Variants in FAS observed in about 807,000 individuals in gnomAD.
The protein encoded by FAS is tumor necrosis factor receptor superfamily member 6.
FAS carries 5 observed loss-of-function variants against 33.2 expected under a neutral mutation model. The observed-to-expected ratio is 0.15, with a 90% CI of 0.08 to 0.32. The LOEUF is 0.32. FAS is among the 10% of genes least tolerant of loss of function. The probability of loss-of-function intolerance (pLI) is 1.00; values close to 1 mark genes in which losing one functional copy is unlikely to be tolerated. For synonymous variants in FAS, 131 were observed against 130.7 expected, an observed-to-expected ratio of 1.00 and a Z score of -0.01; for missense variants, 339 against 386.0, an observed-to-expected ratio of 0.88 and a Z score of 1.02.
intron 1 of FAS, among the ~76,000 whole-genome samples, chr10:89,002,106 A>G (rs565877237): frequency 3.9e-4 from 59 of 152,290 alleles, no homozygotes; most frequent in African/African-American, 1.3e-3. Context: ...CCCTTTCCCC[A>G]GTATCCATTT....
chr10:88,964,666 C>T (rs548353836), intron 1 of FAS, among the ~76,000 whole-genome samples: 3 of 152,192 alleles, frequency 2.0e-5, no homozygotes, highest in African/African-American at 7.2e-5. Flanking sequence ...ATCTACTTCT[C>T]GATTGCTTTC....
chr10:88,969,472 T>C (rs961102964), intron 1 of FAS, among the ~76,000 whole-genome samples: 3 of 152,256 alleles, frequency 2.0e-5, no homozygotes, highest in Non-Finnish European at 2.9e-5. Context: ...GCATAGTCTC[T>C]GTTGTGCAAA....
intron 8 of FAS, among the ~76,000 whole-genome samples, chr10:89,013,754 T>C (rs1848647591): frequency 6.6e-6 from 1 of 152,222 alleles, no homozygotes; most frequent in African/African-American, 2.4e-5. Flanking sequence ...TGATCTGTGA[T>C]TTAGAGATAA....
At chr10:89,008,510 G>A (rs1793912026) in intron 3 of FAS, among the ~76,000 whole-genome samples, 1 of 152,208 alleles carries the variant, frequency 6.6e-6, no homozygotes, top group Non-Finnish European at 1.5e-5. Context: ...CAGAGTCTCT[G>A]AGTGAGGACC....
chr10:88,979,877 AGCACCTACAAAG>A lies in FAS; in HGVS notation n.260+6533_260+6544del, dbSNP rs528885295. 2.6e-3 allele frequency among the ~76,000 whole-genome samples: 400 copies of A among 152,342 alleles called. 1 individual carries two copies. Among genetic ancestry groups the A allele is most frequent in the African/African-American group, 8.7e-3 (363 of 41,582 alleles). On this transcript the variant is annotated intron_variant and non_coding_transcript_variant, in intron 2 of 3. Transcript: ENST00000688239. Reference sequence around the variant, plus strand: ...CACACACCTCCTCACACATGTGTAAAGCACCTACAAAGGCTTTGGGGTAGATCCTGGCAAAAT... The same window carrying A: ...CACACACCTCCTCACACATGTGTAAAGCTTTGGGGTAGATCCTGGCAAAAT...
Position 89,016,202 on chromosome 10 carries a change from CA to C in FAS, c.*1755del, listed in dbSNP as rs1848801133. 4.6e-6 allele frequency: 1 copy of C among 217,030 alleles called. No individual in the cohort carries two copies. Among genetic ancestry groups the C allele is most frequent in the South Asian group, 1.8e-4 (1 of 5,410 alleles). The allele number at this position is 217,030 out of a possible 1,614,324, so 13.4% of individuals were successfully genotyped here. A position where few individuals can be genotyped will look rare whatever the true frequency, so the allele number is the denominator to read the frequency against. Reference sequence around the variant, plus strand: ...TATATTCTATTTAACCCATGAGTCCCAAAGTATTAGCATTTCAACATGTAAG... The same window carrying C: ...TATATTCTATTTAACCCATGAGTCCCAAGTATTAGCATTTCAACATGTAAG... On this transcript the variant is annotated 3_prime_UTR_variant, in exon 9 of 9. Coordinates refer to ENST00000652046, the MANE Select transcript of FAS (RefSeq NM_000043.6).
At chr10:88,967,274 A>G (rs1441880397) in intron 1 of FAS, among the ~76,000 whole-genome samples, 2 of 152,166 alleles carry the variant, frequency 1.3e-5, no homozygotes, top group Non-Finnish European at 2.9e-5. Context: ...CTTATTACCT[A>G]TGATAAAAGG....
chr10:88,997,218 TC>T (rs1847652626), intron 1 of FAS, among the ~76,000 whole-genome samples: 1 of 152,200 alleles, frequency 6.6e-6, no homozygotes, highest in Non-Finnish European at 1.5e-5. Context: ...TTCTCAGAGA[TC>T]CTGATTCCTT....
intron 1 of FAS, among the ~76,000 whole-genome samples, chr10:88,971,110 A>C (rs1342895811): frequency 6.6e-6 from 1 of 152,238 alleles, no homozygotes; most frequent in Non-Finnish European, 1.5e-5. Flanking sequence ...ATTTTCAAGC[A>C]ATGCTTAGCC....
At chr10:88,998,646 G>A (rs1209858499) in intron 1 of FAS, among the ~76,000 whole-genome samples, 1 of 152,154 alleles carries the variant, frequency 6.6e-6, no homozygotes, top group Non-Finnish European at 1.5e-5. Context: ...GCCCATGACA[G>A]TCCTGAATCT....
rs771050216 is a variant in FAS at position 89,007,752 on chromosome 10, G to T, written c.249G>T (p.Val83=). 2.5e-6 allele frequency: 4 copies of T among 1,614,024 alleles called. No homozygotes were observed. The highest frequency in any genetic ancestry group is 3.4e-6 in the Non-Finnish European group (4 of 1,179,958). The change falls in exon 3 of 9, where the codon GTG becomes GTT. Residue 83 remains valine (V), a synonymous_variant. Coordinates refer to ENST00000652046, the MANE Select transcript of FAS (RefSeq NM_000043.6). ...CTVNGDEPDC[V]PCQEGKEYTD... ...TCAATGGGGATGAACCAGACTGCGT[G>T]CCCTGCCAAGAAGGGAAGGAGTACA...
chr10:89,008,945 C>T lies in FAS; in HGVS notation c.391C>T (p.Pro131Ser), dbSNP rs147866832. ...CCAGAATACCAAGTGCAGATGTAAA[C>T]CAAACTTTTTTTGTAACTCTACTGT... ...RTQNTKCRCK[P>S]NFFCNSTVCE... Residue 131 changes from proline to serine, a missense_variant, in exon 4 of 9, where the codon CCA becomes TCA. Pro to Ser is a moderately conservative substitution (Grantham distance 74). Coordinates refer to ENST00000652046, the MANE Select transcript of FAS (RefSeq NM_000043.6). 1 of 1,613,994 alleles carries T rather than the reference C, an allele frequency of 6.2e-7. No homozygotes were observed. Among genetic ancestry groups the T allele is most frequent in the Non-Finnish European group, 8.5e-7 (1 of 1,179,886 alleles).
intron 1 of FAS, among the ~76,000 whole-genome samples, chr10:88,994,866 G>A (rs146202113): frequency 9.9e-4 from 149 of 150,310 alleles, no homozygotes; most frequent in African/African-American, 3.4e-3. Context: ...TTGAAAAAAA[G>A]CATTTCTTAA....
intron 2 of FAS, among the ~76,000 whole-genome samples, chr10:89,003,661 C>G (rs1371065167): frequency 1.3e-5 from 2 of 152,152 alleles, no homozygotes; most frequent in African/African-American, 2.4e-5. Context: ...CATTTTGCAG[C>G]TGAATAACTA....
At chr10:88,995,909 A>C (rs1259392929) in intron 1 of FAS, among the ~76,000 whole-genome samples, 4 of 152,250 alleles carry the variant, frequency 2.6e-5, no homozygotes, top group African/African-American at 9.6e-5. Flanking sequence ...AAATTCAATC[A>C]GCAGATGTAC....
chr10:89,012,336 G>T (rs550643594), intron 7 of FAS: 23 of 406,000 alleles, frequency 5.7e-5, no homozygotes, highest in East Asian at 5.6e-4. Flanking sequence ...ACCATGCCAG[G>T]TTAATTTTTT....
At chr10:89,004,060 C>T (rs1273020527) in intron 2 of FAS, among the ~76,000 whole-genome samples, 1 of 152,178 alleles carries the variant, frequency 6.6e-6, no homozygotes, top group Non-Finnish European at 1.5e-5. Context: ...TACTTAAACC[C>T]ATTTACACTT....
At chr10:89,004,363 CT>C (rs1173782018) in intron 2 of FAS, among the ~76,000 whole-genome samples, 5 of 151,716 alleles carry the variant, frequency 3.3e-5, no homozygotes, top group African/African-American at 1.2e-4. Context: ...TTTTTTTTAA[CT>C]TTTTTTTCTT....
At chr10:88,971,361 G>A (rs552474061) in intron 1 of FAS, among the ~76,000 whole-genome samples, 16 of 152,224 alleles carry the variant, frequency 1.1e-4, no homozygotes, top group East Asian at 1.9e-4. Context: ...CATGCAGTAT[G>A]TTTTGTGTTT....
Sources: gnomAD v4.1 joint callset for allele counts (sites outside exome capture counted in the v4.1 genomes callset) on GRCh38, gnomAD v4.1.1 for gene constraint, MANE v1.5 for transcripts, NCBI Gene and HGNC (gene_info 2026-07-23, HGNC 2026-07-21) for gene names.